GPR158: variants seen among roughly 807,000 people sequenced by gnomAD.
GPR158 encodes the protein metabotropic glycine receptor.
A neutral mutation model predicts 78.2 loss-of-function variants in GPR158; 30 were observed. The ratio of observed to expected loss-of-function variants is 0.38; its 90% CI spans 0.29 to 0.52. The LOEUF (loss-of-function observed/expected upper bound fraction) is 0.52, where lower values mean the gene tolerates loss of function less well. Among genes scored for constraint, GPR158 ranks in the 20% least tolerant of loss-of-function variants. The probability of loss-of-function intolerance (pLI) is 0.83; values close to 1 mark genes in which losing one functional copy is unlikely to be tolerated. For missense variants in GPR158, 1,463 were observed against 1,523.5 expected (o/e 0.96, Z 0.66); for synonymous variants, 581 against 591.1 (o/e 0.98, Z 0.25).
chr10:25,515,238 T>C (rs1398454221), intron 5 of GPR158, among the ~76,000 whole-genome samples: 1 of 152,112 alleles, frequency 6.6e-6, no homozygotes, highest in Non-Finnish European at 1.5e-5. Context: ...ACAAAAGCCT[T>C]GTCTTTGAGC....
chr10:25,563,307 G>T (rs1836882199), intron 6 of GPR158, among the ~76,000 whole-genome samples: 1 of 151,096 alleles, frequency 6.6e-6, no homozygotes, highest in Non-Finnish European at 1.5e-5. Context: ...AATATCATTT[G>T]CTACCTTTTT....
intron 5 of GPR158, among the ~76,000 whole-genome samples, chr10:25,479,875 A>G (rs1006675954): frequency 6.6e-6 from 1 of 151,930 alleles, no homozygotes; most frequent in Admixed American, 6.6e-5. Flanking sequence ...GATACATCAC[A>G]TTTATATATC....
At chr10:25,279,193 A>G (rs1467028566) in intron 2 of GPR158, among the ~76,000 whole-genome samples, 3 of 152,130 alleles carry the variant, frequency 2.0e-5, no homozygotes, top group South Asian at 4.1e-4. Flanking sequence ...TGCTGCTACT[A>G]CTACTACTAG....
intron 7 of GPR158, among the ~76,000 whole-genome samples, chr10:25,576,031 T>G (rs1837089689): frequency 6.6e-6 from 1 of 151,458 alleles, no homozygotes; most frequent in Non-Finnish European, 1.5e-5. Context: ...AGTCATTCAT[T>G]GAAGACATTG....
chr10:25,374,610 C>T (rs1311599252), intron 2 of GPR158, among the ~76,000 whole-genome samples: 4 of 151,710 alleles, frequency 2.6e-5, no homozygotes, highest in African/African-American at 9.7e-5. Flanking sequence ...TTCTCTGCTT[C>T]TAAAATTTTT....
intron 2 of GPR158, among the ~76,000 whole-genome samples, chr10:25,266,302 T>C (rs892298069): frequency 9.2e-5 from 14 of 152,320 alleles, no homozygotes; most frequent in African/African-American, 3.4e-4. Flanking sequence ...GGTAGTCCTT[T>C]GTGTTTCCTC....
At chr10:25,252,915 C>G (rs1041529938) in intron 2 of GPR158, among the ~76,000 whole-genome samples, 8 of 152,104 alleles carry the variant, frequency 5.3e-5, no homozygotes, top group East Asian at 1.9e-4. Context: ...CCCCCAGCCT[C>G]GCTGCCGCCT....
intron 4 of GPR158, among the ~76,000 whole-genome samples, chr10:25,432,530 A>G (rs958095482): frequency 4.6e-5 from 7 of 152,366 alleles, no homozygotes; most frequent in South Asian, 2.1e-4. Context: ...GAAAAATTAT[A>G]TGTTCAAAAT....
Position 25,381,323 on chromosome 10 carries a change from G to C in GPR158, c.1009-14588G>C, listed in dbSNP as rs1314380546. Among the ~76,000 whole-genome samples, 5 of 95,354 alleles carry C rather than the reference G, an allele frequency of 5.2e-5. No homozygotes were observed. The East Asian group carries it at 6.0e-4, about 12-fold the overall frequency. The allele number at this position is 95,354 out of a possible 152,430, so 62.6% of individuals were successfully genotyped here. The stretch of plus-strand genomic sequence containing the variant: ...AGGGTGGTGAGAGCCAAATTGCTCT[G>C]GTTTGATGAGGGAGGTAAGTAAATG... On this transcript the variant is annotated intron_variant, in intron 2 of 10. Transcript: ENST00000376351.
intron 4 of GPR158, among the ~76,000 whole-genome samples, chr10:25,450,542 C>T (rs563153584): frequency 6.6e-5 from 10 of 151,808 alleles, no homozygotes; most frequent in East Asian, 3.9e-4. Context: ...TTCCTTATTC[C>T]GTAAAAATTT....
intron 2 of GPR158, among the ~76,000 whole-genome samples, chr10:25,367,488 T>G (rs1015996055): frequency 6.6e-6 from 1 of 151,850 alleles, no homozygotes; most frequent in Non-Finnish European, 1.5e-5. Context: ...TTTGCATTTA[T>G]ATACACATTT....
chr10:25,423,144 T>C (rs894674565), intron 4 of GPR158, among the ~76,000 whole-genome samples: 2 of 141,540 alleles, frequency 1.4e-5, no homozygotes, highest in Admixed American at 6.9e-5. Context: ...TACATATACA[T>C]ATATATGTAT....
intron 9 of GPR158, 68 bp downstream of exon 9, chr10:25,594,465 A>G (rs1267079320): frequency 7.5e-6 from 5 of 663,464 alleles, no homozygotes; most frequent in South Asian, 4.1e-5. Flanking sequence ...TGTTTATCCT[A>G]TAGGCAAAAG....
At chr10:25,403,244 G>GT (rs1201692838) in intron 3 of GPR158, among the ~76,000 whole-genome samples, 3 of 151,672 alleles carry the variant, frequency 2.0e-5, no homozygotes, top group Non-Finnish European at 2.9e-5. Flanking sequence ...GAAGTTTTAT[G>GT]TTTTTTTCTT....
At chr10:25,232,660 T>C (rs867870862) in intron 2 of GPR158, among the ~76,000 whole-genome samples, 1 of 152,224 alleles carries the variant, frequency 6.6e-6, no homozygotes, top group South Asian at 2.1e-4. Flanking sequence ...CAAGGGCCTA[T>C]AGATTGAGAG....
intron 6 of GPR158, 31 bp from the exon 7 acceptor site, chr10:25,572,618 T>C: frequency 1.5e-6 from 2 of 1,328,712 alleles, no homozygotes; most frequent in Non-Finnish European, 2.2e-6. Context: ...ATGTTAGGTT[T>C]GCTTTCACAT....
chr10:25,415,759 A>G (rs1834649606), intron 4 of GPR158, among the ~76,000 whole-genome samples: 1 of 152,128 alleles, frequency 6.6e-6, no homozygotes, highest in Admixed American at 6.5e-5. Context: ...AAAAGACCAC[A>G]TATTGTATCA....
At chr10:25,197,604 A>C (rs1852859963) in intron 1 of GPR158, among the ~76,000 whole-genome samples, 1 of 152,200 alleles carries the variant, frequency 6.6e-6, no homozygotes, top group South Asian at 2.1e-4. Flanking sequence ...TAATTAAATC[A>C]CTAGATCTCA....
chr10:25,274,829 T>G (rs1854162682), intron 2 of GPR158, among the ~76,000 whole-genome samples: 1 of 152,212 alleles, frequency 6.6e-6, no homozygotes, highest in African/African-American at 2.4e-5. Context: ...TAAGTCCCAG[T>G]TGTAAATATA....
Sources: allele counts gnomAD v4.1 joint callset (sites outside exome capture counted in the v4.1 genomes callset), GRCh38; gene constraint gnomAD v4.1.1; transcripts MANE v1.5; gene names NCBI Gene and HGNC (gene_info 2026-07-23, HGNC 2026-07-21).